The following PRKD3 variants were observed in gnomAD, a reference collection of about 807,000 sequenced individuals.
The protein encoded by PRKD3 is serine/threonine-protein kinase D3.
A neutral mutation model predicts 99.2 loss-of-function variants in PRKD3; 47 were observed. That is an observed-to-expected ratio of 0.47 (90% confidence interval 0.38 to 0.60). The LOEUF is 0.60. Ranked by LOEUF, PRKD3 falls within the 20% of genes least tolerant of loss-of-function variation. PRKD3 has a pLI of 0.00. For synonymous variants in PRKD3, 392 were observed against 355.4 expected (o/e 1.10, Z -1.16); for missense variants, 1,019 against 1,088.4 (o/e 0.94, Z 0.90).
intron 13 of PRKD3, chr2:37,267,745 G>C: frequency 2.1e-6 from 1 of 480,660 alleles, no homozygotes; most frequent in South Asian, 3.0e-5. Context: ...AAAGTCAGCT[G>C]CATTATCTAA....
At chr2:37,307,150 C>G (rs1488169845) in intron 2 of PRKD3, among the ~76,000 whole-genome samples, 2 of 152,194 alleles carry the variant, frequency 1.3e-5, no homozygotes, top group African/African-American at 2.4e-5. Context: ...CGTCTCCAGA[C>G]ATTGCCAAAT....
At chr2:37,307,280 T>G (rs866055775) in intron 2 of PRKD3, among the ~76,000 whole-genome samples, 1 of 152,206 alleles carries the variant, frequency 6.6e-6, no homozygotes, top group Non-Finnish European at 1.5e-5. Context: ...TAATCCACAT[T>G]CTTATGTGGA....
Position 37,316,389 on chromosome 2 carries a change from T to C in PRKD3, c.136A>G (p.Ser46Gly), listed in dbSNP as rs373814676. 48 of 1,614,090 alleles carry C rather than the reference T, an allele frequency of 3.0e-5. No homozygotes were observed. Among genetic ancestry groups the C allele is most frequent in the Non-Finnish European group, 3.9e-5 (46 of 1,180,044 alleles). Residue 46 changes from serine (S) to glycine (G), a missense_variant, in exon 2 of 19, where the codon AGT becomes GGT. Physicochemically the swap from Ser to Gly is moderately conservative, Grantham distance 56 (BLOSUM62 0). Transcript: ENST00000234179. ...CTGGAGTTGGTGAGTGATGGTGCAC[T>C]GAAGCTTCCATTAGAGAGTCGGGCA... ...LSARLSNGSF[S>G]APSLTNSRGS...
chr2:37,269,339 C>G (rs559943778), intron 13 of PRKD3: 21 of 397,372 alleles, frequency 5.3e-5, no homozygotes, highest in Admixed American at 1.4e-4. Flanking sequence ...CCATCTCCCC[C>G]CCTGCCTCCG....
intron 2 of PRKD3, among the ~76,000 whole-genome samples, chr2:37,315,237 G>C (rs1052534380): frequency 6.6e-6 from 1 of 151,930 alleles, no homozygotes; most frequent in East Asian, 1.9e-4. Flanking sequence ...TGATAACACA[G>C]AAAACATACT....
chr2:37,298,466 T>C (rs1164714431), intron 2 of PRKD3, among the ~76,000 whole-genome samples: 1 of 152,120 alleles, frequency 6.6e-6, no homozygotes. Flanking sequence ...CATCTAAGTA[T>C]ATAATCTTAA....
At chr2:37,261,153 C>G (rs770605177) in intron 14 of PRKD3, among the ~76,000 whole-genome samples, 1 of 152,176 alleles carries the variant, frequency 6.6e-6, no homozygotes, top group Admixed American at 6.5e-5. Flanking sequence ...ATATGTTCTA[C>G]TGAATGAACC....
chr2:37,296,484 T>A (rs1384281702), intron 2 of PRKD3, among the ~76,000 whole-genome samples: 2 of 151,980 alleles, frequency 1.3e-5, no homozygotes, highest in Non-Finnish European at 2.9e-5. Flanking sequence ...TACTCATCTA[T>A]ACGACAGACA....
At position 37,265,026 on chromosome 2, in the gene PRKD3, C is replaced by G. The variant is rs140114468; in HGVS notation, c.1884+2404G>C. On this transcript the variant is annotated intron_variant, in intron 14 of 18. Transcript: ENST00000234179. ...TAATAATAATATGCGCAATCTTCAC[C>G]CCATCTTTTCTCTAAGTATGTGGGC... is the stretch of plus-strand genomic sequence containing the variant. Among the ~76,000 whole-genome samples, 333 of 152,248 alleles carry G rather than the reference C, an allele frequency of 2.2e-3. 1 individual carries two copies. Among genetic ancestry groups the G allele is most frequent in the African/African-American group, 7.3e-3 (303 of 41,532 alleles).
chr2:37,304,197 A>T (rs921959870), intron 2 of PRKD3, among the ~76,000 whole-genome samples: 2 of 102,456 alleles, frequency 2.0e-5, no homozygotes, highest in Admixed American at 9.1e-5. Flanking sequence ...GGTACTTACT[A>T]AAAAAAAAAA....
chr2:37,287,257 AAAAAAAAAAAGAAAAAG>A (rs1670153522), intron 5 of PRKD3, among the ~76,000 whole-genome samples: 2 of 137,728 alleles, frequency 1.5e-5, no homozygotes, highest in African/African-American at 6.0e-5. Flanking sequence ...AAAAAAAAAA[AAAAAAAAAAAGAAAAAG>A]AAAAAGAAAA....
intron 5 of PRKD3, among the ~76,000 whole-genome samples, chr2:37,289,016 T>C (rs998881923): frequency 6.0e-5 from 9 of 150,734 alleles, no homozygotes; most frequent in African/African-American, 2.0e-4. Context: ...ACCGTGCCAC[T>C]GCACTCCAGC....
At chr2:37,267,780 G>C in intron 13 of PRKD3, 1 of 417,744 alleles carries the variant, frequency 2.4e-6, no homozygotes, top group Non-Finnish European at 4.2e-6. Flanking sequence ...GAATGAACTT[G>C]TTGCTGAAAA....
At chr2:37,254,123 A>C in intron 18 of PRKD3, 81 bp downstream of exon 18, 1 of 982,638 alleles carries the variant, frequency 1.0e-6, no homozygotes, top group Admixed American at 1.7e-5. Context: ...TGCTGATCTT[A>C]GAGTGGTCTC....
At chr2:37,269,568 G>C in intron 13 of PRKD3, 47 bp downstream of exon 13, 2 of 1,512,280 alleles carry the variant, frequency 1.3e-6, no homozygotes, top group South Asian at 1.1e-5. Flanking sequence ...ACATTTTCCA[G>C]TTTTTAAAAT....
At chr2:37,314,372 A>C (rs1352827469) in intron 2 of PRKD3, among the ~76,000 whole-genome samples, 3 of 152,184 alleles carry the variant, frequency 2.0e-5, no homozygotes, top group African/African-American at 7.2e-5. Flanking sequence ...TTTTTAAGCT[A>C]TATCCTATTT....
chr2:37,270,552 A>G (rs1669179421), intron 12 of PRKD3, among the ~76,000 whole-genome samples: 1 of 151,972 alleles, frequency 6.6e-6, no homozygotes, highest in African/African-American at 2.4e-5. Context: ...CTAATATACT[A>G]ATTTGGGATG....
intron 2 of PRKD3, among the ~76,000 whole-genome samples, chr2:37,294,786 A>T (rs1350737393): frequency 1.3e-5 from 2 of 152,158 alleles, no homozygotes; most frequent in East Asian, 3.9e-4. Flanking sequence ...CCTCATTAAA[A>T]CTCTAAGGCC....
rs776384643 is a variant in PRKD3 at position 37,253,194 on chromosome 2, T to C, written c.2656A>G (p.Met886Val). 8 of 1,603,276 alleles carry C rather than the reference T, an allele frequency of 5.0e-6. No individual in the cohort carries two copies. In the African/African-American group the frequency reaches 1.1e-4, roughly 21 times the overall value. The part of the protein sequence containing the change: ...HFIMAPNPDD[M>V]EEDP ...CTCAGTGATTAAGGATCTTCTTCCA[T>C]ATCATCTGGATTAGGAGCCATAATG... The change falls in exon 19 of 19, where the codon ATG becomes GTG. Residue 886 changes from methionine (M) to valine (V), a missense_variant. By Grantham distance (21) the Met-to-Val change is conservative. This residue lies in a region of PRKD3 where 125 missense variants were observed against 120.6 expected (regional missense o/e 1.04). Transcript: ENST00000234179.
Sources: gnomAD v4.1 joint callset for allele counts (sites outside exome capture counted in the v4.1 genomes callset) on GRCh38, gnomAD v4.1.1 for gene constraint, gnomAD v4.1.1 regional missense constraint, MANE v1.5 for transcripts, NCBI Gene and HGNC (gene_info 2026-07-23, HGNC 2026-07-21) for gene names.